The following CHST11 variants were observed in gnomAD, a reference collection of about 807,000 sequenced individuals.
CHST11 encodes the protein C4S-1.
Under a neutral mutation model 30.4 loss-of-function variants are expected in CHST11, and 9 were observed. The ratio of observed to expected loss-of-function variants is 0.30; its 90% CI spans 0.18 to 0.52. CHST11 has a LOEUF of 0.52. Ranked by LOEUF, CHST11 falls within the 20% of genes least tolerant of loss-of-function variation. CHST11 has a pLI of 0.97. For synonymous variants in CHST11, 152 were observed against 187.8 expected (o/e 0.81, Z 1.56); for missense variants, 348 against 460.6 (o/e 0.76, Z 2.24).
chr12:104,665,995 A>AT (rs2039639021), intron 2 of CHST11, among the ~76,000 whole-genome samples: 1 of 151,004 alleles, frequency 6.6e-6, no homozygotes, highest in Admixed American at 6.6e-5. Flanking sequence ...AATGTTTTGT[A>AT]TTTTAATAGA....
chr12:104,581,079 C>T (rs2038738711), intron 1 of CHST11, among the ~76,000 whole-genome samples: 1 of 152,134 alleles, frequency 6.6e-6, no homozygotes, highest in Non-Finnish European at 1.5e-5. Context: ...GATTTCTGTC[C>T]CTGAACTCCT....
intron 1 of CHST11, among the ~76,000 whole-genome samples, chr12:104,508,180 G>C (rs2037925757): frequency 1.3e-5 from 2 of 152,122 alleles, no homozygotes; most frequent in Middle Eastern, 3.2e-3. Flanking sequence ...TTGTACTGCT[G>C]TTCCTTCTGC....
chr12:104,706,279 G>A (rs1269235313), intron 2 of CHST11, among the ~76,000 whole-genome samples: 2 of 152,018 alleles, frequency 1.3e-5, no homozygotes, highest in Non-Finnish European at 2.9e-5. Context: ...AGCTACTCGG[G>A]AGGCTGAGGT....
At chr12:104,606,247 A>G (rs1044417459) in intron 2 of CHST11, among the ~76,000 whole-genome samples, 1 of 151,658 alleles carries the variant, frequency 6.6e-6, no homozygotes, top group African/African-American at 2.4e-5. Flanking sequence ...TCTCTGTTAC[A>G]TGGTGGCGCC....
intron 1 of CHST11, among the ~76,000 whole-genome samples, chr12:104,593,529 T>G (rs2038880133): frequency 1.3e-5 from 2 of 152,240 alleles, no homozygotes; most frequent in South Asian, 4.1e-4. Flanking sequence ...GTAAAGCTCC[T>G]GAAGGCCTGA....
chr12:104,516,945 T>A (rs1034647883), intron 1 of CHST11, among the ~76,000 whole-genome samples: 1 of 152,186 alleles, frequency 6.6e-6, no homozygotes, highest in Non-Finnish European at 1.5e-5. Flanking sequence ...TGTTCTTCCT[T>A]CTAGAGTTAC....
At chr12:104,590,881 C>T (rs1234118377) in intron 1 of CHST11, among the ~76,000 whole-genome samples, 1 of 151,966 alleles carries the variant, frequency 6.6e-6, no homozygotes, top group Non-Finnish European at 1.5e-5. Context: ...AATATCGCAC[C>T]ACTTTACTCC....
intron 2 of CHST11, among the ~76,000 whole-genome samples, chr12:104,650,984 A>G (rs1448988449): frequency 1.3e-5 from 2 of 152,194 alleles, no homozygotes; most frequent in African/African-American, 4.8e-5. Flanking sequence ...ATGATTTAAT[A>G]CTTGTGAAGA....
At chr12:104,539,329 C>T (rs779961682) in intron 1 of CHST11, among the ~76,000 whole-genome samples, 5 of 152,150 alleles carry the variant, frequency 3.3e-5, no homozygotes, top group African/African-American at 4.8e-5. Context: ...TGGTACCTCC[C>T]TGGAGGCTTT....
intron 2 of CHST11, among the ~76,000 whole-genome samples, chr12:104,662,628 CAA>C (rs113800721): frequency 0.038 from 5,736 of 152,116 alleles, 301 homozygotes; most frequent in East Asian, 0.11. Context: ...TTCCTTTTTA[CAA>C]CTGATGTGTA....
chr12:104,680,826 G>A (rs898990491), intron 2 of CHST11, among the ~76,000 whole-genome samples: 3 of 152,266 alleles, frequency 2.0e-5, no homozygotes, highest in South Asian at 2.1e-4. Flanking sequence ...TGAGTGCCCC[G>A]CCCCCCTGTT....
chr12:104,682,787 A>C (rs760392796), intron 2 of CHST11, among the ~76,000 whole-genome samples: 29 of 152,242 alleles, frequency 1.9e-4, no homozygotes, highest in Non-Finnish European at 3.4e-4. Flanking sequence ...ACCGATGTTC[A>C]ATCCCAGTGA....
chr12:104,582,479 T>C (rs2038756056), intron 1 of CHST11, among the ~76,000 whole-genome samples: 1 of 152,158 alleles, frequency 6.6e-6, no homozygotes, highest in African/African-American at 2.4e-5. Flanking sequence ...TCACCTTTAC[T>C]GAGTTACTTA....
At chr12:104,467,222 A>C (rs532419319) in intron 1 of CHST11, among the ~76,000 whole-genome samples, 3 of 152,230 alleles carry the variant, frequency 2.0e-5, no homozygotes, top group Non-Finnish European at 4.4e-5. Context: ...CATAACTGAC[A>C]TGTAATTTGA....
rs923096126 is a variant in CHST11, at chr12:104,510,899, G to A, written c.118+53370G>A. On this transcript the variant is annotated intron_variant, in intron 1 of 2. Coordinates refer to ENST00000303694, the MANE Select transcript of CHST11 (RefSeq NM_018413.6). ...CTTGTACTTTGAGGAATGTACTCAT[G>A]AGAGCCTAGTCTTATAGATTTGGGA... is the stretch of plus-strand genomic sequence containing the variant. 2.6e-5 allele frequency among the ~76,000 whole-genome samples: 4 copies of A among 152,140 alleles called. No homozygotes were observed. In the East Asian group the frequency reaches 7.7e-4, roughly 29 times the overall value.
intron 2 of CHST11, among the ~76,000 whole-genome samples, chr12:104,744,872 TA>T (rs2040377730): frequency 1.3e-5 from 2 of 150,580 alleles, no homozygotes; most frequent in African/African-American, 4.9e-5. Flanking sequence ...TTTATTTATT[TA>T]TTTATTTATT....
intron 1 of CHST11, among the ~76,000 whole-genome samples, chr12:104,582,316 C>A (rs928837679): frequency 2.0e-5 from 3 of 152,108 alleles, no homozygotes; most frequent in African/African-American, 7.2e-5. Flanking sequence ...AATTCTAACA[C>A]CCTTAGAGCC....
chr12:104,681,110 G>A (rs1418258024), intron 2 of CHST11, among the ~76,000 whole-genome samples: 1 of 152,212 alleles, frequency 6.6e-6, no homozygotes, highest in Non-Finnish European at 1.5e-5. Context: ...CCAGCCTGTT[G>A]TGGAGTACCT....
At chr12:104,488,740 C>T (rs981302077) in intron 1 of CHST11, among the ~76,000 whole-genome samples, 42 of 145,868 alleles carry the variant, frequency 2.9e-4, no homozygotes, top group African/African-American at 5.6e-4. Flanking sequence ...TATGTGTACG[C>T]GTGTGTGTGT....
Sources: gnomAD v4.1 joint callset for allele counts (sites outside exome capture counted in the v4.1 genomes callset) on GRCh38, gnomAD v4.1.1 for gene constraint, MANE v1.5 for transcripts, NCBI Gene and HGNC (gene_info 2026-07-23, HGNC 2026-07-21) for gene names.